Variants in ASPRV1 observed in about 807,000 individuals in gnomAD.
ASPRV1 encodes the protein aspartic peptidase retroviral like 1, also known as retroviral-like aspartic protease 1.
ASPRV1 carries 7 observed loss-of-function variants against 11.0 expected under a neutral mutation model. That is an observed-to-expected ratio of 0.64 (90% CI 0.36 to 1.20). ASPRV1 has a LOEUF of 1.20. ASPRV1 is among the 50% of genes most tolerant of loss of function. ASPRV1 has a pLI of 0.02. For missense variants in ASPRV1, 299 were observed against 320.0 expected (o/e 0.93, Z 0.50); for synonymous variants, 136 against 138.4 (o/e 0.98, Z 0.12).
chr2:69,990,390 G>A, the ASPRV1 span, among the ~76,000 whole-genome samples: 1 of 151,828 alleles, frequency 6.6e-6, no homozygotes, highest in South Asian at 2.1e-4. Context: ...CAGCATGTTG[G>A]CCAGGCTGGT....
chr2:70,014,796 C>CAAAAAAAAAAAAAAAAAA, the ASPRV1 span, among the ~76,000 whole-genome samples: 2 of 74,022 alleles, frequency 2.7e-5, no homozygotes, highest in African/African-American at 9.2e-5. Flanking sequence ...GACCTTGTCT[C>CAAAAAAAAAAAAAAAAAA]AAAAAAAAAA....
chr2:70,014,278 T>C, the ASPRV1 span, among the ~76,000 whole-genome samples: 84 of 152,252 alleles, frequency 5.5e-4, 1 homozygote, highest in South Asian at 1.2e-3. Context: ...TAGTATGGCT[T>C]AACATTGAGG....
At chr2:70,061,560 G>A in the ASPRV1 span, among the ~76,000 whole-genome samples, 1 of 152,140 alleles carries the variant, frequency 6.6e-6, no homozygotes, top group African/African-American at 2.4e-5. Context: ...GCCAGCAGTA[G>A]GGAAGAAGGG....
At chr2:70,081,095 ATT>A in the ASPRV1 span, 2 of 152,166 alleles carry the variant, frequency 1.3e-5, no homozygotes, top group African/African-American at 4.8e-5. Context: ...CATTTCTTAC[ATT>A]TCTCAGAGAA....
chr2:69,951,486 T>TAG, the ASPRV1 span, among the ~76,000 whole-genome samples: 15 of 90,114 alleles, frequency 1.7e-4, no homozygotes, highest in African/African-American at 1.0e-3. Flanking sequence ...TGTGTGTGTA[T>TAG]ATCTATATGT....
At chr2:70,074,082 C>T in the ASPRV1 span, among the ~76,000 whole-genome samples, 3 of 124,676 alleles carry the variant, frequency 2.4e-5, no homozygotes, top group Admixed American at 1.0e-4. Context: ...TGCAGTGAGC[C>T]GAGATCTCGC....
the ASPRV1 span, chr2:70,011,946 G>C: frequency 1.3e-5 from 2 of 152,348 alleles, no homozygotes; most frequent in Non-Finnish European, 2.9e-5. Flanking sequence ...AGCTTCGGGG[G>C]CTAGCAAACA....
At chr2:70,050,339 T>C in the ASPRV1 span, 16 of 152,024 alleles carry the variant, frequency 1.1e-4, no homozygotes, top group Non-Finnish European at 1.9e-4. Context: ...ACTCTCTTCA[T>C]ATCAAAATAA....
the ASPRV1 span, among the ~76,000 whole-genome samples, chr2:69,968,018 G>A: frequency 6.6e-6 from 1 of 152,078 alleles, no homozygotes; most frequent in Non-Finnish European, 1.5e-5. Flanking sequence ...GAAGGCGAAG[G>A]TTGCAGTGAG....
the ASPRV1 span, among the ~76,000 whole-genome samples, chr2:70,060,359 A>T: frequency 2.0e-5 from 3 of 150,926 alleles, no homozygotes; most frequent in Non-Finnish European, 4.4e-5. Flanking sequence ...AAAAAAAAAA[A>T]GCCTATTAAA....
chr2:70,064,922 T>C, the ASPRV1 span, among the ~76,000 whole-genome samples: 1 of 151,736 alleles, frequency 6.6e-6, no homozygotes, highest in Non-Finnish European at 1.5e-5. Context: ...GGTGAAACCT[T>C]GTTCCTACTA....
At chr2:69,970,783 C>T in the ASPRV1 span, 6 of 152,278 alleles carry the variant, frequency 3.9e-5, no homozygotes, top group Admixed American at 3.3e-4. Flanking sequence ...GAAGCATTGC[C>T]TGATCTTCCT....
the ASPRV1 span, among the ~76,000 whole-genome samples, chr2:69,948,934 G>A: frequency 7.9e-5 from 12 of 152,106 alleles, no homozygotes; most frequent in South Asian, 2.1e-4. Flanking sequence ...CCCCCACTTG[G>A]GGAGCCTGCC....
chr2:70,071,449 G>T, the ASPRV1 span, among the ~76,000 whole-genome samples: 1 of 152,126 alleles, frequency 6.6e-6, no homozygotes, highest in African/African-American at 2.4e-5. Flanking sequence ...CGGGGTACTG[G>T]TCTAAAATTA....
chr2:70,008,473 C>CCTCTGCTGCTCTGTGCCTCT, the ASPRV1 span, among the ~76,000 whole-genome samples: 33,640 of 152,084 alleles, frequency 0.22, 6,489 homozygotes, highest in African/African-American at 0.48. Flanking sequence ...GGTCTGGCAG[C>CCTCTGCTGCTCTGTGCCTCT]AGAGGCAGCC....
chr2:70,029,847 C>T, the ASPRV1 span, among the ~76,000 whole-genome samples: 1 of 152,230 alleles, frequency 6.6e-6, no homozygotes, highest in East Asian at 1.9e-4. Flanking sequence ...GGTCCTTGGG[C>T]CACAAATGGT....
the ASPRV1 span, among the ~76,000 whole-genome samples, chr2:70,062,482 C>G: frequency 6.6e-6 from 1 of 152,138 alleles, no homozygotes; most frequent in Non-Finnish European, 1.5e-5. Context: ...CCTCTCTCAC[C>G]CTCATGGGTA....
At chr2:70,053,169 A>C in the ASPRV1 span, among the ~76,000 whole-genome samples, 9 of 152,222 alleles carry the variant, frequency 5.9e-5, no homozygotes, top group East Asian at 1.7e-3. Context: ...AAAGCTGCCG[A>C]GGGTGACCAG....
At chr2:70,022,505 G>C in the ASPRV1 span, among the ~76,000 whole-genome samples, 1 of 151,844 alleles carries the variant, frequency 6.6e-6, no homozygotes, top group East Asian at 2.0e-4. Flanking sequence ...GGGCAACATA[G>C]TGAGACCTCA....
Sources: gnomAD v4.1 joint callset for allele counts (sites outside exome capture counted in the v4.1 genomes callset) on GRCh38, gnomAD v4.1.1 for gene constraint, MANE v1.5 for transcripts, NCBI Gene and HGNC (gene_info 2026-07-23, HGNC 2026-07-21) for gene names.